The following SCAMP2 variants were observed in gnomAD, a reference collection of about 807,000 sequenced individuals.
SCAMP2 encodes secretory carrier membrane protein 2.
A neutral mutation model predicts 44.1 loss-of-function variants in SCAMP2; 25 were observed. That is an observed-to-expected ratio of 0.57 (90% CI 0.41 to 0.79). The LOEUF is 0.79. SCAMP2 is among the 30% of genes least tolerant of loss of function. The pLI, the probability that SCAMP2 is intolerant of heterozygous loss-of-function variation, is 0.00. For missense variants in SCAMP2, 355 were observed against 411.0 expected (o/e 0.86, Z 1.18); for synonymous variants, 156 against 166.0 (o/e 0.94, Z 0.46).
intron 7 of SCAMP2, among the ~76,000 whole-genome samples, chr15:74,847,562 T>C (rs1041589989): frequency 6.6e-6 from 1 of 152,164 alleles, no homozygotes; most frequent in Middle Eastern, 3.2e-3. Flanking sequence ...GAGGGCAGCG[T>C]GCACTTGTTT....
At chr15:74,848,956 C>T (rs1467034516) in intron 6 of SCAMP2, among the ~76,000 whole-genome samples, 3 of 152,046 alleles carry the variant, frequency 2.0e-5, no homozygotes, top group Non-Finnish European at 4.4e-5. Flanking sequence ...GATAAAGTTG[C>T]TCCCCCAAAG....
chr15:74,863,311 C>T (rs1409332908), intron 1 of SCAMP2, among the ~76,000 whole-genome samples: 1 of 150,418 alleles, frequency 6.6e-6, no homozygotes, highest in African/African-American at 2.5e-5. Flanking sequence ...CACTCCATTG[C>T]ACTCCAGCCT....
intron 6 of SCAMP2, among the ~76,000 whole-genome samples, chr15:74,849,258 G>A (rs1212988195): frequency 1.3e-5 from 2 of 152,200 alleles, no homozygotes; most frequent in African/African-American, 4.8e-5. Flanking sequence ...GACCAGCCTA[G>A]CCAACATGGC....
intron 1 of SCAMP2, among the ~76,000 whole-genome samples, chr15:74,871,619 G>C (rs532722103): frequency 7.2e-4 from 109 of 152,244 alleles, no homozygotes; most frequent in African/African-American, 2.5e-3. Context: ...GGTCGTGGTG[G>C]TGCATGCCTG....
chr15:74,855,488 G>C (rs182245411), intron 1 of SCAMP2, among the ~76,000 whole-genome samples: 50 of 152,112 alleles, frequency 3.3e-4, no homozygotes, highest in African/African-American at 1.2e-3. Context: ...AGGCTGAGGC[G>C]GGTGGATCAC....
intron 1 of SCAMP2, among the ~76,000 whole-genome samples, chr15:74,869,872 C>T (rs932045772): frequency 6.6e-6 from 1 of 152,128 alleles, no homozygotes; most frequent in Non-Finnish European, 1.5e-5. Context: ...GTGCCAACAC[C>T]CTGAGTAAAT....
chr15:74,853,372 G>A (rs753332429), intron 3 of SCAMP2: 10 of 456,052 alleles, frequency 2.2e-5, no homozygotes, highest in Admixed American at 7.1e-5. Flanking sequence ...GCCTACCTTC[G>A]GAAGCTTTCG....
chr15:74,866,792 TTC>T (rs1166266302), intron 1 of SCAMP2, among the ~76,000 whole-genome samples: 3 of 106,846 alleles, frequency 2.8e-5, no homozygotes, highest in African/African-American at 1.1e-4. Flanking sequence ...AGCATTTATT[TTC>T]TTTCTTTTTT....
At position 74,852,136 on chromosome 15, in the gene SCAMP2, C is replaced by T. The variant is rs117542927; in HGVS notation, c.276G>A (p.Leu92=). ...QAGLLRQQEE[L]DRKAAELERK... is the part of the protein sequence containing the mutation. The stretch of plus-strand genomic sequence containing the variant: ...GTTCCAGCTCGGCAGCTTTCCTGTC[C>T]AGTTCTTCCTGCTGCCGGAGCAGGC... Residue 92 remains leucine (L), a synonymous_variant, in exon 4 of 9, where the codon CTG becomes CTA. Coordinates refer to ENST00000268099, the MANE Select transcript of SCAMP2 (RefSeq NM_005697.5). 5,061 of 1,589,122 alleles carry T rather than the reference C, an allele frequency of 3.2e-3. 72 individuals carry two copies. The African/African-American group carries it at 0.04, about 12-fold the overall frequency.
chr15:74,865,380 CAAA>C (rs71140104), intron 1 of SCAMP2, among the ~76,000 whole-genome samples: 1 of 108,746 alleles, frequency 9.2e-6, no homozygotes. Flanking sequence ...GACTTTGTCT[CAAA>C]AAAAAAAAAA....
At chr15:74,857,381 AC>A (rs2141175972) in intron 1 of SCAMP2, among the ~76,000 whole-genome samples, 1 of 152,312 alleles carries the variant, frequency 6.6e-6, no homozygotes, top group East Asian at 1.9e-4. Flanking sequence ...GTGGTTTACT[AC>A]CAGAATCATC....
At chr15:74,870,529 T>C (rs560776084) in intron 1 of SCAMP2, among the ~76,000 whole-genome samples, 3 of 152,318 alleles carry the variant, frequency 2.0e-5, no homozygotes, top group African/African-American at 7.2e-5. Context: ...AGTTTTGTAA[T>C]TAAAGTCTGT....
At chr15:74,870,107 C>A (rs773529613) in intron 1 of SCAMP2, among the ~76,000 whole-genome samples, 17 of 152,196 alleles carry the variant, frequency 1.1e-4, no homozygotes, top group Non-Finnish European at 2.1e-4. Context: ...AGCCAGCCAG[C>A]TTTCTTCTTC....
At chr15:74,849,108 T>C (rs371413434) in intron 6 of SCAMP2, among the ~76,000 whole-genome samples, 4 of 152,114 alleles carry the variant, frequency 2.6e-5, no homozygotes, top group African/African-American at 7.2e-5. Context: ...CCTGGAGTAC[T>C]TGCGTTTCAT....
chr15:74,854,718 G>A (rs948748156), intron 1 of SCAMP2, 69 bp from the exon 2 acceptor site: 24 of 1,388,186 alleles, frequency 1.7e-5, no homozygotes, highest in Admixed American at 7.9e-5. Flanking sequence ...CAGGCGAGCC[G>A]GTGACGCCTG....
intron 5 of SCAMP2, 55 bp from the exon 6 acceptor site, chr15:74,850,728 C>G (rs2064430240): frequency 5.7e-6 from 9 of 1,581,588 alleles, no homozygotes; most frequent in Admixed American, 3.4e-5. Flanking sequence ...CTGAGGGGCT[C>G]CAATGTGGCA....
rs559610039 is a variant in SCAMP2 at position 74,856,506 on chromosome 15, C to T, written c.58-1857G>A. On this transcript the variant is annotated intron_variant, in intron 1 of 8. Coordinates refer to ENST00000268099, the MANE Select transcript of SCAMP2 (RefSeq NM_005697.5). The stretch of plus-strand genomic sequence containing the variant: ...GGCAAGCTGGTCTTGAACTCCTGGC[C>T]TCAGGTGATCCGCTCACCTCAGCCT... Among the ~76,000 whole-genome samples the T allele has an allele frequency of 1.1e-3, 172 of 151,872 alleles. 3 individuals are homozygous for T. The South Asian group carries it at 0.019, about 17-fold the overall frequency.
intron 3 of SCAMP2, 88 bp downstream of exon 3, chr15:74,853,933 C>T: frequency 8.2e-7 from 1 of 1,221,978 alleles, no homozygotes; most frequent in Admixed American, 1.8e-5. Flanking sequence ...TGAAAGCTCT[C>T]TGCTTGCCCC....
At chr15:74,861,681 G>C (rs545511930) in intron 1 of SCAMP2, among the ~76,000 whole-genome samples, 1 of 151,638 alleles carries the variant, frequency 6.6e-6, no homozygotes, top group African/African-American at 2.4e-5. Context: ...GGCAGATCAC[G>C]AGGTCAGGAG....
Sources: allele counts gnomAD v4.1 joint callset (sites outside exome capture counted in the v4.1 genomes callset), GRCh38; gene constraint gnomAD v4.1.1; transcripts MANE v1.5; gene names NCBI Gene and HGNC (gene_info 2026-07-23, HGNC 2026-07-21).